The following TMEM255B variants were observed in gnomAD, a reference collection of about 807,000 sequenced individuals.
TMEM255B encodes the protein family with sequence similarity 70, member B.
Under a neutral mutation model 34.5 loss-of-function variants are expected in TMEM255B, and 35 were observed. The observed-to-expected ratio is 1.01, with a 90% CI of 0.77 to 1.34. The LOEUF (loss-of-function observed/expected upper bound fraction) is 1.34. Among genes scored for constraint, TMEM255B ranks in the 40% most tolerant of loss-of-function variants. The pLI, the probability that TMEM255B is intolerant of heterozygous loss-of-function variation, is 0.00. For missense variants in TMEM255B, 432 were observed against 433.2 expected, an observed-to-expected ratio of 1.00 and a Z score of 0.02; for synonymous variants, 206 against 201.2, an observed-to-expected ratio of 1.02 and a Z score of -0.20.
At chr13:113,791,794 C>G (rs1446230136) in intron 3 of TMEM255B, among the ~76,000 whole-genome samples, 1 of 152,212 alleles carries the variant, frequency 6.6e-6, no homozygotes, top group Non-Finnish European at 1.5e-5. Context: ...GAATTGTGCC[C>G]AACAGAAACT....
intron 3 of TMEM255B, among the ~76,000 whole-genome samples, chr13:113,779,179 G>A (rs2050629099): frequency 6.6e-6 from 1 of 152,206 alleles, no homozygotes; most frequent in African/African-American, 2.4e-5. Context: ...TGGTCACGCT[G>A]ATATTAGACA....
chr13:113,799,691 C>A (rs1281491208), intron 5 of TMEM255B: 5 of 685,650 alleles, frequency 7.3e-6, no homozygotes, highest in Non-Finnish European at 1.1e-5. Context: ...ATGGCTCTTC[C>A]AATTAGCATT....
At chr13:113,765,197 G>A (rs538721586) in intron 1 of TMEM255B, among the ~76,000 whole-genome samples, 2 of 152,318 alleles carry the variant, frequency 1.3e-5, no homozygotes, top group South Asian at 2.1e-4. Flanking sequence ...CGTGACCAAG[G>A]CCACGCCCTT....
intron 8 of TMEM255B, among the ~76,000 whole-genome samples, chr13:113,810,536 A>T (rs2051278857): frequency 6.6e-6 from 1 of 152,158 alleles, no homozygotes; most frequent in Non-Finnish European, 1.5e-5. Flanking sequence ...GAAGAGAGAG[A>T]TCAATCCATC....
At chr13:113,761,301 T>G in intron 1 of TMEM255B, 2 of 985,098 alleles carry the variant, frequency 2.0e-6, no homozygotes, top group Non-Finnish European at 2.4e-6. Flanking sequence ...AGGAAATGGG[T>G]CTGAGGGGCA....
intron 3 of TMEM255B, among the ~76,000 whole-genome samples, chr13:113,786,793 G>A (rs990760965): frequency 6.6e-6 from 1 of 152,222 alleles, no homozygotes; most frequent in African/African-American, 2.4e-5. Context: ...GATTGCAGAC[G>A]AGTCATCAGA....
In TMEM255B at chr13:113,770,104, T is replaced by G. The variant is rs2050453646; in HGVS notation, c.252+944T>G. Among the ~76,000 whole-genome samples, 2 of 152,180 alleles carry G rather than the reference T, an allele frequency of 1.3e-5. No homozygotes were observed. Among genetic ancestry groups the G allele is most frequent in the African/African-American group, 4.8e-5 (2 of 41,432 alleles). ...CTGCTGATAAAGACGTACCCAAGAC[T>G]GGGCAGTTTACAAAAGAAAGAGGTT... On this transcript the variant is annotated intron_variant, in intron 3 of 8. Coordinates refer to ENST00000375353, the MANE Select transcript of TMEM255B (RefSeq NM_182614.4). The surrounding 1 kb of genome is among the most constrained non-coding windows in gnomAD (Gnocchi z 4.6).
intron 4 of TMEM255B, among the ~76,000 whole-genome samples, chr13:113,797,887 A>G (rs2050969723): frequency 6.6e-6 from 1 of 152,218 alleles, no homozygotes; most frequent in Non-Finnish European, 1.5e-5. Context: ...TACCATAGCA[A>G]TTATAAGCAC....
chr13:113,811,642 G>A, intron 8 of TMEM255B, 94 bp from the exon 9 acceptor site: 1 of 1,439,578 alleles, frequency 6.9e-7, no homozygotes, highest in Non-Finnish European at 9.5e-7. Flanking sequence ...TGGGTGGGGA[G>A]CGTGTGAGTG....
In TMEM255B at chr13:113,770,582, T is replaced by C. The variant is rs2050461777; in HGVS notation, c.252+1422T>C. ...GTTCTGTTCTGCATAGTAGAGACAG[T>C]GTGCACTGCAGGGTGAGCTGCCGTT... is the stretch of plus-strand genomic sequence containing the variant. On this transcript the variant is annotated intron_variant, in intron 3 of 8. Coordinates refer to ENST00000375353, the MANE Select transcript of TMEM255B (RefSeq NM_182614.4). The surrounding 1 kb of genome is among the most constrained non-coding windows in gnomAD (Gnocchi z 4.6). Among the ~76,000 whole-genome samples, 1 of 152,170 alleles carries C rather than the reference T, an allele frequency of 6.6e-6. No homozygotes were observed. Among genetic ancestry groups the C allele is most frequent in the African/African-American group, 2.4e-5 (1 of 41,428 alleles).
chr13:113,759,310 C>T lies in TMEM255B; in HGVS notation c.41C>T (p.Pro14Leu). Residue 14 changes from proline (P) to leucine (L), a missense_variant, in exon 1 of 9, where the codon CCC (proline) becomes CTC (leucine). Coordinates refer to ENST00000375353, the MANE Select transcript of TMEM255B (RefSeq NM_182614.4). Reference sequence around the variant, plus strand: ...CCCGGGCCCCTGGGCCTGCTGGACCCCGCAGGTGAGCGCGGGGCTGGGGGC... The same window carrying T: ...CCCGGGCCCCTGGGCCTGCTGGACCTCGCAGGTGAGCGCGGGGCTGGGGGC... The part of the protein sequence containing the change: ...PVPGPLGLLD[P>L]AEGLSRRKKT... The T allele has an allele frequency of 8.1e-7, 1 of 1,229,540 alleles. No homozygotes were observed. Among genetic ancestry groups the T allele is most frequent in the Non-Finnish European group, 1.0e-6 (1 of 986,528 alleles). 76.2% of individuals were successfully genotyped at this position (1,229,540 alleles called of 1,614,324 possible).
In TMEM255B at chr13:113,770,587, A is replaced by C. The variant is rs1013539503; in HGVS notation, c.252+1427A>C. Among the ~76,000 whole-genome samples, 1 of 152,200 alleles carries C rather than the reference A, an allele frequency of 6.6e-6. No individual in the cohort carries two copies. The highest frequency in any genetic ancestry group is 2.4e-5 in the African/African-American group (1 of 41,460). On this transcript the variant is annotated intron_variant, in intron 3 of 8. Coordinates refer to ENST00000375353, the MANE Select transcript of TMEM255B (RefSeq NM_182614.4). This position sits in a 1 kb window ranked among gnomAD's most constrained non-coding sequence, Gnocchi z 4.6. Reference sequence around the variant, plus strand: ...GTTCTGCATAGTAGAGACAGTGTGCACTGCAGGGTGAGCTGCCGTTCTTGG... The same window carrying C: ...GTTCTGCATAGTAGAGACAGTGTGCCCTGCAGGGTGAGCTGCCGTTCTTGG...
At position 113,785,302 on chromosome 13, in the gene TMEM255B, G is replaced by A. The variant is rs3935959; in HGVS notation, c.253-9846G>A. Among the ~76,000 whole-genome samples, 913 of 145,070 alleles carry A rather than the reference G, an allele frequency of 6.3e-3. 10 individuals carry two copies. Among genetic ancestry groups the A allele is most frequent in the African/African-American group, 0.022 (876 of 39,108 alleles). Reference sequence around the variant, plus strand: ...TTTCCTGAAGTTCACTGCCCTGCACGCAGGCACTGGCTTTGCCTTCTGATT... The same window carrying A: ...TTTCCTGAAGTTCACTGCCCTGCACACAGGCACTGGCTTTGCCTTCTGATT... On this transcript the variant is annotated intron_variant, in intron 3 of 8. Transcript: ENST00000375353.
intron 3 of TMEM255B, among the ~76,000 whole-genome samples, chr13:113,772,421 A>T: frequency 6.6e-6 from 1 of 152,246 alleles, no homozygotes; most frequent in East Asian, 1.9e-4. Context: ...ATCTAAGGAC[A>T]TGAAGATTTA....
Position 113,806,368 on chromosome 13 carries a change from T to C in TMEM255B, c.813+1340T>C, listed in dbSNP as rs888203976. Among the ~76,000 whole-genome samples the C allele has an allele frequency of 1.3e-5, 2 of 152,092 alleles. No homozygotes were observed. Among genetic ancestry groups the C allele is most frequent in the Non-Finnish European group, 1.5e-5 (1 of 67,994 alleles). On this transcript the variant is annotated intron_variant, in intron 8 of 8. Transcript: ENST00000375353. This position sits in a 1 kb window ranked among gnomAD's most constrained non-coding sequence, Gnocchi z 4.2. ...TGCTTGGGTCAGCCACCTTCAGCCATGCCCGGGACACAGCAGCTGTTGGGC... is the reference window on the plus strand; with the variant it reads ...TGCTTGGGTCAGCCACCTTCAGCCACGCCCGGGACACAGCAGCTGTTGGGC...
Position 113,789,618 on chromosome 13 carries a change from C to T in TMEM255B, c.253-5530C>T, listed in dbSNP as rs150464161. On this transcript the variant is annotated intron_variant, in intron 3 of 8. Transcript: ENST00000375353. The stretch of plus-strand genomic sequence containing the variant: ...ATTCCCAATGTCTTTCCCAACACCA[C>T]TGCCTGGACTCGGGTTGAAGCACCA... Among the ~76,000 whole-genome samples the T allele has an allele frequency of 1.9e-4, 29 of 152,368 alleles. No homozygotes were observed. In the East Asian group the frequency reaches 5.0e-3, roughly 26 times the overall value.
intron 7 of TMEM255B, among the ~76,000 whole-genome samples, chr13:113,803,914 G>T (rs1326807119): frequency 6.6e-6 from 1 of 150,796 alleles, no homozygotes; most frequent in Non-Finnish European, 1.5e-5. Flanking sequence ...TTTTCACCGT[G>T]TCCCCGGGTT....
chr13:113,780,797 G>A (rs779691936), intron 3 of TMEM255B, among the ~76,000 whole-genome samples: 1 of 152,184 alleles, frequency 6.6e-6, no homozygotes, highest in Non-Finnish European at 1.5e-5. Flanking sequence ...GCCTATGGAT[G>A]ACAAAATGTT....
chr13:113,805,408 C>G (rs1380857573), intron 8 of TMEM255B, among the ~76,000 whole-genome samples: 2 of 152,218 alleles, frequency 1.3e-5, no homozygotes, highest in African/African-American at 4.8e-5. Flanking sequence ...TGCCAAAATC[C>G]AACCCCATTT....
Sources: gnomAD v4.1 joint callset for allele counts (sites outside exome capture counted in the v4.1 genomes callset) on GRCh38, gnomAD v4.1.1 for gene constraint, Gnocchi (gnomAD v3.1) non-coding constraint, MANE v1.5 for transcripts, NCBI Gene and HGNC (gene_info 2026-07-23, HGNC 2026-07-21) for gene names.